HMGA2: variants seen among roughly 807,000 people sequenced by gnomAD.
HMGA2 encodes the protein high mobility group AT-hook 2, also known as high mobility group protein HMGI-C.
In HMGA2, 8 loss-of-function variants were observed where a neutral mutation model predicts 19.1. The ratio of observed to expected loss-of-function variants is 0.42; its 90% CI spans 0.25 to 0.76. The LOEUF (loss-of-function observed/expected upper bound fraction) is 0.76, where lower values mean the gene tolerates loss of function less well. Among genes scored for constraint, HMGA2 ranks in the 30% least tolerant of loss-of-function variants. The probability of loss-of-function intolerance (pLI) is 0.28; values close to 1 mark genes in which losing one functional copy is unlikely to be tolerated. For synonymous variants in HMGA2, 60 were observed against 48.8 expected (o/e 1.23, Z -0.96); for missense variants, 109 against 136.3 (o/e 0.80, Z 1.00).
At chr12:65,926,110 A>T (rs1875495051) in intron 3 of HMGA2, among the ~76,000 whole-genome samples, 1 of 152,228 alleles carries the variant, frequency 6.6e-6, no homozygotes, top group Non-Finnish European at 1.5e-5. Context: ...GTCCTCAGGA[A>T]TGCCAACCCC....
intron 3 of HMGA2, among the ~76,000 whole-genome samples, chr12:65,895,882 TTC>T (rs1253031110): frequency 6.6e-6 from 1 of 152,260 alleles, no homozygotes; most frequent in African/African-American, 2.4e-5. Flanking sequence ...TGCCTGATGC[TTC>T]TGTGTTATGC....
In HMGA2 at chr12:65,965,459, A is replaced by G. The variant is rs1876881590; in HGVS notation, c.*2167A>G. 4.9e-6 allele frequency: 1 copy of G among 205,584 alleles called. No homozygotes were observed. 12.7% of individuals were successfully genotyped at this position (205,584 alleles called of 1,614,324 possible). ...CAGTATGGCTTTTAGTACTGAAGCC[A>G]AATGAAACTCAAAACCATCTCTCTT... On this transcript the variant is annotated 3_prime_UTR_variant, in exon 5 of 5. Transcript: ENST00000403681.
intron 3 of HMGA2, among the ~76,000 whole-genome samples, chr12:65,944,529 G>A (rs762099009): frequency 8.5e-5 from 13 of 152,154 alleles, no homozygotes; most frequent in Non-Finnish European, 1.0e-4. Flanking sequence ...TAAGGGGAAG[G>A]ATCCAGGCTG....
At chr12:65,892,964 G>A (rs1040568250) in intron 3 of HMGA2, among the ~76,000 whole-genome samples, 1 of 152,110 alleles carries the variant, frequency 6.6e-6, no homozygotes, top group Admixed American at 6.6e-5. Context: ...TCTGCTTCCC[G>A]TGTGTCATAA....
At position 65,964,163 on chromosome 12, in the gene HMGA2, A is replaced by AT. The variant is rs1467504765; in HGVS notation, c.*873dup. 4.9e-5 allele frequency: 10 copies of AT among 204,574 alleles called. No homozygotes were observed. The highest frequency in any genetic ancestry group is 1.0e-4 in the Non-Finnish European group (10 of 100,218). The allele number at this position is 204,574 out of a possible 1,614,324, so 12.7% of individuals were successfully genotyped here. A position where few individuals can be genotyped will look rare whatever the true frequency, so the allele number is the denominator to read the frequency against. On this transcript the variant is annotated 3_prime_UTR_variant, in exon 5 of 5. Coordinates refer to ENST00000403681, the MANE Select transcript of HMGA2 (RefSeq NM_003483.6). ...CATTTAAGGAAACTAGACAAGTAAAATTATCCTCTTTGTAATTTAATGAAA... is the reference window on the plus strand; with the variant it reads ...CATTTAAGGAAACTAGACAAGTAAAATTTATCCTCTTTGTAATTTAATGAAA...
At chr12:65,880,390 A>C (rs565556442) in intron 3 of HMGA2, among the ~76,000 whole-genome samples, 116 of 152,354 alleles carry the variant, frequency 7.6e-4, no homozygotes, top group African/African-American at 2.5e-3. Context: ...TTGTGCCATG[A>C]AACACGTGTT....
intron 3 of HMGA2, among the ~76,000 whole-genome samples, chr12:65,921,526 C>T (rs1389063039): frequency 6.6e-6 from 1 of 152,178 alleles, no homozygotes; most frequent in Non-Finnish European, 1.5e-5. Context: ...GGATTACAGG[C>T]GTGAGCCACT....
Position 65,825,044 on chromosome 12 carries a change from TCTC to T in HMGA2, c.-213_-211del, listed in dbSNP as rs932531177. 3.2e-4 allele frequency: 143 copies of T among 447,360 alleles called. No individual in the cohort carries two copies. Among genetic ancestry groups the T allele is most frequent in the South Asian group, 8.6e-4 (23 of 26,864 alleles). 27.7% of individuals were successfully genotyped at this position (447,360 alleles called of 1,614,324 possible). On this transcript the variant is annotated 5_prime_UTR_variant, in exon 1 of 5. Transcript: ENST00000403681. The surrounding 1 kb of genome is among the most constrained non-coding windows in gnomAD (Gnocchi z 4.4). ...CGCCGCCACCGGCAGCGCCTCCTCC[TCTC>T]CTCCTCCTCCTCCCCTCTTCTCTTT... is the stretch of plus-strand genomic sequence containing the variant.
chr12:65,942,623 A>G (rs1876128569), intron 3 of HMGA2: 1 of 152,122 alleles, frequency 6.6e-6, no homozygotes, highest in Non-Finnish European at 1.5e-5. Context: ...GAGACTGTGT[A>G]TTCCTTTACC....
At chr12:65,893,924 G>C (rs962864410) in intron 3 of HMGA2, among the ~76,000 whole-genome samples, 4 of 152,212 alleles carry the variant, frequency 2.6e-5, no homozygotes, top group Non-Finnish European at 5.9e-5. Context: ...ACTGGCTGAA[G>C]AAGAGTGCTT....
At chr12:65,846,607 A>G (rs1430559711) in intron 3 of HMGA2, among the ~76,000 whole-genome samples, 1 of 152,226 alleles carries the variant, frequency 6.6e-6, no homozygotes, top group Non-Finnish European at 1.5e-5. Flanking sequence ...AGAGATAGAG[A>G]CGGAGGCTAC....
chr12:65,839,384 C>T (rs1455138376), intron 3 of HMGA2, among the ~76,000 whole-genome samples: 7 of 152,116 alleles, frequency 4.6e-5, no homozygotes, highest in Admixed American at 4.6e-4. Flanking sequence ...ATGAGGGCAT[C>T]CTTTATACCC....
chr12:65,826,108 C>T, intron 1 of HMGA2: 1 of 152,552 alleles, frequency 6.6e-6, no homozygotes, highest in Non-Finnish European at 1.5e-5. Flanking sequence ...AAGGAGTGTC[C>T]AAGAGAGTGC....
At chr12:65,915,777 G>T (rs1875077252) in intron 3 of HMGA2, among the ~76,000 whole-genome samples, 1 of 152,056 alleles carries the variant, frequency 6.6e-6, no homozygotes, top group Non-Finnish European at 1.5e-5. Context: ...GGACATTTGG[G>T]TATTAACCCA....
chr12:65,859,913 A>G (rs1456795695), intron 3 of HMGA2: 3 of 263,636 alleles, frequency 1.1e-5, no homozygotes, highest in African/African-American at 4.4e-5. Context: ...GTAATGCCCC[A>G]TCTCTAAAAA....
chr12:65,880,138 C>T (rs1276845043), intron 3 of HMGA2, among the ~76,000 whole-genome samples: 3 of 152,218 alleles, frequency 2.0e-5, no homozygotes, highest in Non-Finnish European at 4.4e-5. Flanking sequence ...CATTCACAAA[C>T]CTTTGACACT....
intron 3 of HMGA2, among the ~76,000 whole-genome samples, chr12:65,887,344 T>G (rs980875825): frequency 6.6e-5 from 10 of 152,140 alleles, no homozygotes; most frequent in African/African-American, 2.4e-4. Flanking sequence ...TCCCAGCACT[T>G]TGGGAGGCTG....
At chr12:65,962,676 T>C (rs1876784586) in intron 4 of HMGA2, among the ~76,000 whole-genome samples, 1 of 152,150 alleles carries the variant, frequency 6.6e-6, no homozygotes, top group Non-Finnish European at 1.5e-5. Flanking sequence ...CAAATCCTGG[T>C]CCCACACACC....
At chr12:65,866,101 G>A (rs192725716) in intron 3 of HMGA2, among the ~76,000 whole-genome samples, 154 of 152,210 alleles carry the variant, frequency 1.0e-3, no homozygotes, top group African/African-American at 3.2e-3. Flanking sequence ...ATTTACAAAC[G>A]TTGGGGAAAA....
Sources: gnomAD v4.1 joint callset for allele counts (sites outside exome capture counted in the v4.1 genomes callset) on GRCh38, gnomAD v4.1.1 for gene constraint, Gnocchi (gnomAD v3.1) non-coding constraint, MANE v1.5 for transcripts, NCBI Gene and HGNC (gene_info 2026-07-23, HGNC 2026-07-21) for gene names.